The following SYNPO2 variants were observed in gnomAD, a reference collection of about 807,000 sequenced individuals.
SYNPO2 encodes the protein synaptopodin 2, also known as synaptopodin-2.
In SYNPO2, 56 loss-of-function variants were observed where a neutral mutation model predicts 85.0. The ratio of observed to expected loss-of-function variants is 0.66; its 90% CI spans 0.53 to 0.82. The LOEUF (loss-of-function observed/expected upper bound fraction) is 0.82. Ranked by LOEUF, SYNPO2 falls within the 40% of genes least tolerant of loss-of-function variation. SYNPO2 has a pLI of 0.00. For missense variants in SYNPO2, 1,575 were observed against 1,534.2 expected, an observed-to-expected ratio of 1.03 and a Z score of -0.44; for synonymous variants, 602 against 591.1, an observed-to-expected ratio of 1.02 and a Z score of -0.27.
rs754526908 is a variant in SYNPO2, at chr4:119,057,952, C to A, written c.*18C>A. 5 of 1,588,886 alleles carry A rather than the reference C, an allele frequency of 3.1e-6. No homozygotes were observed. The highest frequency in any genetic ancestry group is 3.4e-6 in the Non-Finnish European group (4 of 1,170,702). ...AAACATGAAAGTTAGAAGAACGGAT[C>A]ATGTGCCAACTGTAGTTTTTTAAAA... On this transcript the variant is annotated 3_prime_UTR_variant, in exon 5 of 5. Coordinates refer to ENST00000307142, the MANE Select transcript of SYNPO2 (RefSeq NM_133477.3).
At chr4:118,988,249 G>T (rs1278522334) in intron 1 of SYNPO2, among the ~76,000 whole-genome samples, 2 of 151,396 alleles carry the variant, frequency 1.3e-5, no homozygotes, top group East Asian at 3.9e-4. Context: ...GTTCTATTTT[G>T]GTTTGGTTTT....
At chr4:118,959,577 A>G (rs541433863) in intron 1 of SYNPO2, among the ~76,000 whole-genome samples, 2 of 152,340 alleles carry the variant, frequency 1.3e-5, no homozygotes, top group South Asian at 4.1e-4. Flanking sequence ...CAATTCAAGG[A>G]GTATTTGTGT....
intron 4 of SYNPO2, chr4:119,038,199 C>A (rs918527026): frequency 1.0e-6 from 1 of 985,258 alleles, no homozygotes; most frequent in African/African-American, 1.7e-5. Context: ...TTGTGAATTT[C>A]CCAAACTGAT....
At position 119,033,385 on chromosome 4, in the gene SYNPO2, C is replaced by T. The variant is rs192807338; in HGVS notation, c.3252+1358C>T. ...AGGTTACCTTGTAAACTTTAATTGG[C>T]CACACACCATGTTGTCACCCAGCTG... is the stretch of plus-strand genomic sequence containing the variant. On this transcript the variant is annotated intron_variant, in intron 4 of 4. Transcript: ENST00000307142. 4.2e-4 allele frequency: 414 copies of T among 985,358 alleles called. 1 individual carries two copies. The Admixed American group carries it at 4.8e-3, about 11-fold the overall frequency. The allele number at this position is 985,358 out of a possible 1,614,324, so 61.0% of individuals were successfully genotyped here.
At chr4:118,893,377 G>C (rs1256259822) in intron 1 of SYNPO2, among the ~76,000 whole-genome samples, 1 of 152,182 alleles carries the variant, frequency 6.6e-6, no homozygotes, top group African/African-American at 2.4e-5. Flanking sequence ...CTTGCTATGT[G>C]CCAGGAAAAT....
chr4:119,007,334 C>A (rs1737119915), intron 1 of SYNPO2, among the ~76,000 whole-genome samples: 2 of 126,776 alleles, frequency 1.6e-5, no homozygotes, highest in African/African-American at 3.0e-5. Context: ...TCTATTTTAC[C>A]ACTAACTTTT....
At chr4:119,051,910 G>GTCTCTCC (rs1739062065) in intron 4 of SYNPO2, among the ~76,000 whole-genome samples, 8 of 152,194 alleles carry the variant, frequency 5.3e-5, no homozygotes, top group Non-Finnish European at 1.2e-4. Context: ...ATTAAAAGGG[G>GTCTCTCC]TTGATTATGG....
chr4:118,869,052 C>G (rs1330376018), intron 1 of SYNPO2, among the ~76,000 whole-genome samples: 1 of 152,004 alleles, frequency 6.6e-6, no homozygotes, highest in Non-Finnish European at 1.5e-5. Flanking sequence ...TGTAGGATTG[C>G]AAAAAGAAAA....
chr4:119,004,264 T>C (rs370941398), intron 1 of SYNPO2, among the ~76,000 whole-genome samples: 2 of 152,258 alleles, frequency 1.3e-5, no homozygotes, highest in South Asian at 4.2e-4. Flanking sequence ...TTAGGGTACA[T>C]GTGCACAATG....
chr4:118,975,274 T>G (rs1020375544), intron 1 of SYNPO2, among the ~76,000 whole-genome samples: 3 of 152,166 alleles, frequency 2.0e-5, no homozygotes, highest in African/African-American at 7.2e-5. Context: ...TCCCAAAATC[T>G]ATGTAGTACT....
At chr4:119,032,941 T>A in intron 4 of SYNPO2, 11 of 197,248 alleles carry the variant, frequency 5.6e-5, no homozygotes, top group Non-Finnish European at 6.3e-5. Context: ...CCACCCTCCC[T>A]CCCCAGTTAC....
chr4:118,962,303 A>G (rs1043724900), intron 1 of SYNPO2, among the ~76,000 whole-genome samples: 12 of 152,204 alleles, frequency 7.9e-5, no homozygotes, highest in African/African-American at 2.9e-4. Flanking sequence ...TTATAAAGGA[A>G]GTCTTGTTAA....
intron 1 of SYNPO2, among the ~76,000 whole-genome samples, chr4:118,935,120 A>G (rs1734056101): frequency 6.6e-6 from 1 of 152,166 alleles, no homozygotes; most frequent in African/African-American, 2.4e-5. Context: ...TATAAATTCT[A>G]GTTAATCAAT....
chr4:118,899,191 T>C (rs1290528455), intron 1 of SYNPO2, among the ~76,000 whole-genome samples: 1 of 152,188 alleles, frequency 6.6e-6, no homozygotes, highest in South Asian at 2.1e-4. Flanking sequence ...ATTTTGAGCA[T>C]ATCCCATATA....
At chr4:118,911,952 T>C (rs1165044672) in intron 1 of SYNPO2, among the ~76,000 whole-genome samples, 3 of 152,070 alleles carry the variant, frequency 2.0e-5, no homozygotes, top group East Asian at 1.9e-4. Flanking sequence ...AGGTGCAAAA[T>C]AAGATTGATT....
intron 1 of SYNPO2, among the ~76,000 whole-genome samples, chr4:118,930,352 T>C (rs183928031): frequency 9.2e-5 from 14 of 152,362 alleles, no homozygotes; most frequent in African/African-American, 3.4e-4. Context: ...TAGTACTTTT[T>C]ATCATCTCCT....
intron 1 of SYNPO2, among the ~76,000 whole-genome samples, chr4:119,002,702 T>A (rs191178632): frequency 2.6e-4 from 40 of 152,284 alleles, no homozygotes; most frequent in African/African-American, 9.1e-4. Flanking sequence ...ATTCCCTATT[T>A]CTTTGGTTTT....
intron 1 of SYNPO2, among the ~76,000 whole-genome samples, chr4:118,877,944 A>C (rs765476590): frequency 1.3e-5 from 2 of 152,202 alleles, no homozygotes; most frequent in African/African-American, 2.4e-5. Flanking sequence ...GATAGCAAAG[A>C]CTTGGAATCA....
intron 1 of SYNPO2, among the ~76,000 whole-genome samples, chr4:118,923,746 T>A (rs1733617134): frequency 1.3e-5 from 2 of 152,078 alleles, no homozygotes; most frequent in African/African-American, 4.8e-5. Context: ...AGAATACAGA[T>A]CTACTTAGGA....
Sources: allele counts gnomAD v4.1 joint callset (sites outside exome capture counted in the v4.1 genomes callset), GRCh38; gene constraint gnomAD v4.1.1; transcripts MANE v1.5; gene names NCBI Gene and HGNC (gene_info 2026-07-23, HGNC 2026-07-21).